ARHGAP17: variants seen among roughly 807,000 people sequenced by gnomAD.
ARHGAP17 encodes the protein rho GTPase-activating protein 17.
A neutral mutation model predicts 99.5 loss-of-function variants in ARHGAP17; 57 were observed. The ratio of observed to expected loss-of-function variants is 0.57; its 90% confidence interval spans 0.46 to 0.71. ARHGAP17 has a LOEUF of 0.71. ARHGAP17 is among the 30% of genes least tolerant of loss of function. The pLI is 0.00. For synonymous variants in ARHGAP17, 417 were observed against 429.6 expected, an observed-to-expected ratio of 0.97 and a Z score of 0.36; for missense variants, 1,000 against 1,122.4, an observed-to-expected ratio of 0.89 and a Z score of 1.56.
Position 24,935,596 on chromosome 16 carries a change from G to C in ARHGAP17, c.1768C>G (p.Pro590Ala), listed in dbSNP as rs767431778. Residue 590 changes from proline to alanine, a missense_variant, in exon 18 of 20, where the codon CCA becomes GCA. Transcript: ENST00000289968. ...KDPVSAAVPA[P>A]GRNNSQIASG... ...GCTATCTGACTGTTGTTTCTCCCTG[G>C]TGCTGGCACAGCTGCAGATACAGGG... 1 of 1,614,124 alleles carries C rather than the reference G, an allele frequency of 6.2e-7. No individual in the cohort carries two copies. The highest frequency in any genetic ancestry group is 2.2e-5 in the East Asian group (1 of 44,882).
chr16:24,952,431 ATAT>A (rs1233146059), intron 11 of ARHGAP17, 61 bp from the exon 12 acceptor site: 3 of 1,364,702 alleles, frequency 2.2e-6, no homozygotes, highest in Non-Finnish European at 3.1e-6. Flanking sequence ...ATCTTGGGAC[ATAT>A]TATTTTGCAA....
chr16:24,939,461 G>A lies in ARHGAP17; in HGVS notation c.1627C>T (p.Pro543Ser). The change falls in exon 17 of 20, where the codon CCT (proline) becomes TCT (serine). Residue 543 changes from proline to serine, a missense_variant. By Grantham distance (74) the Pro-to-Ser change is moderately conservative (BLOSUM62 -1). This residue lies in a region of ARHGAP17 where 528 missense variants were observed against 511.4 expected (regional missense o/e 1.03). Coordinates refer to ENST00000289968, the MANE Select transcript of ARHGAP17 (RefSeq NM_001006634.3). ...CTTTCAGCCCTAGAGCTCTGGGGAG[G>A]GGGCTCTGGGCCAGCGGGCACCACG... The part of the protein sequence containing the change: ...STVVPAGPEP[P>S]PQSSRAESSS... The A allele has an allele frequency of 2.5e-6, 4 of 1,611,502 alleles. No homozygotes were observed. The highest frequency in any genetic ancestry group is 1.1e-5 in the South Asian group (1 of 90,346).
chr16:24,920,004 A>C lies in ARHGAP17; in HGVS notation c.*126T>G. 7.1e-7 allele frequency: 1 copy of C among 1,403,448 alleles called. No homozygotes were observed. The highest frequency in any genetic ancestry group is 9.7e-7 in the Non-Finnish European group (1 of 1,028,756). 86.9% of individuals were successfully genotyped at this position (1,403,448 alleles called of 1,614,324 possible). ...GGCCGTGCAGAAGGCCAGGTCCCGC[A>C]CAGTGAGGCCCTCCTTTGTCCTCCA... On this transcript the variant is annotated 3_prime_UTR_variant, in exon 20 of 20. Transcript: ENST00000289968.
At chr16:24,980,377 C>T (rs1050378204) in intron 1 of ARHGAP17, among the ~76,000 whole-genome samples, 6 of 152,208 alleles carry the variant, frequency 3.9e-5, no homozygotes, top group Admixed American at 1.3e-4. Context: ...GGGTGGCTCA[C>T]TCACCAGTTT....
At chr16:24,942,908 C>T (rs2051357603) in intron 15 of ARHGAP17, among the ~76,000 whole-genome samples, 1 of 152,200 alleles carries the variant, frequency 6.6e-6, no homozygotes, top group Non-Finnish European at 1.5e-5. Context: ...CTAGCATTCG[C>T]TCATCCATCC....
At chr16:24,939,705 T>C in intron 16 of ARHGAP17, 108 bp from the exon 17 acceptor site, 1 of 1,187,284 alleles carries the variant, frequency 8.4e-7, no homozygotes, top group Non-Finnish European at 1.2e-6. Flanking sequence ...CCACCCAAGC[T>C]GCCCGGCATG....
At chr16:24,933,559 C>G (rs1474062375) in intron 18 of ARHGAP17, among the ~76,000 whole-genome samples, 1 of 151,976 alleles carries the variant, frequency 6.6e-6, no homozygotes, top group Non-Finnish European at 1.5e-5. Flanking sequence ...AACTTTCAAC[C>G]CTGGAACTCA....
chr16:24,923,400 T>G (rs989324387), intron 19 of ARHGAP17, among the ~76,000 whole-genome samples: 2 of 152,178 alleles, frequency 1.3e-5, no homozygotes, highest in African/African-American at 2.4e-5. Flanking sequence ...GTATATTAAC[T>G]GCACTCCAAG....
intron 1 of ARHGAP17, among the ~76,000 whole-genome samples, chr16:24,997,124 T>C (rs1367567860): frequency 6.6e-6 from 1 of 152,176 alleles, no homozygotes; most frequent in Non-Finnish European, 1.5e-5. Context: ...TCTCTGTCAT[T>C]AGCACTTGGA....
intron 7 of ARHGAP17, among the ~76,000 whole-genome samples, 154 bp downstream of exon 7, chr16:24,964,041 AAT>A (rs1352270216): frequency 2.0e-5 from 3 of 152,224 alleles, no homozygotes; most frequent in Non-Finnish European, 2.9e-5. Context: ...ATCATAAAAT[AAT>A]ATAGTCTTAG....
intron 1 of ARHGAP17, among the ~76,000 whole-genome samples, chr16:25,010,323 C>T (rs1401080731): frequency 2.0e-5 from 3 of 152,152 alleles, no homozygotes; most frequent in Admixed American, 6.6e-5. Context: ...ATCCTCCTAC[C>T]TCGGGCTCTC....
Position 24,942,042 on chromosome 16 carries a change from T to G in ARHGAP17, c.1435A>C (p.Arg479=), listed in dbSNP as rs976292343. Residue 479 remains arginine (R), a synonymous_variant, in exon 16 of 20, where the codon AGG becomes CGG. Transcript: ENST00000289968. ...ACCGCCATGCTAGCAGGCCGCTTCC[T>G]CTCCAGGGTCCCCGAGTCAGAGTCG... ...GNDSDSGTLE[R]KRPASMAVME... 2 of 1,613,964 alleles carry G rather than the reference T, an allele frequency of 1.2e-6. No individual in the cohort carries two copies. Among genetic ancestry groups the G allele is most frequent in the Non-Finnish European group, 1.7e-6 (2 of 1,179,986 alleles).
intron 9 of ARHGAP17, among the ~76,000 whole-genome samples, chr16:24,958,368 T>C (rs2051875381): frequency 6.6e-6 from 1 of 152,234 alleles, no homozygotes; most frequent in Non-Finnish European, 1.5e-5. Context: ...TTTTGTCCTA[T>C]GCGGGGCCCA....
At chr16:24,941,415 T>C (rs984092677) in intron 16 of ARHGAP17, among the ~76,000 whole-genome samples, 3 of 152,152 alleles carry the variant, frequency 2.0e-5, no homozygotes, top group Non-Finnish European at 2.9e-5. Flanking sequence ...GAATTGCCCA[T>C]AGAAAAGAGT....
intron 9 of ARHGAP17, 168 bp from the exon 10 acceptor site, chr16:24,954,898 G>T: frequency 1.0e-6 from 1 of 956,792 alleles, no homozygotes; most frequent in Non-Finnish European, 1.5e-6. Context: ...TACTGGAGCA[G>T]CAAACTATGG....
chr16:24,920,683 C>T (rs1367985152), intron 19 of ARHGAP17: 1 of 160,464 alleles, frequency 6.2e-6, no homozygotes, highest in Non-Finnish European at 1.4e-5. Flanking sequence ...AGGACCTCAC[C>T]CTCAGCACCA....
At chr16:24,925,513 GACTCTGAGTCA>G (rs1477881160) in intron 19 of ARHGAP17, among the ~76,000 whole-genome samples, 6 of 152,208 alleles carry the variant, frequency 3.9e-5, no homozygotes, top group Non-Finnish European at 1.5e-5. Flanking sequence ...GGCTATTAGA[GACTCTGAGTCA>G]ACTATTCAGG....
rs776631518 is a variant in ARHGAP17, at chr16:24,930,934, G to A, written c.2365C>T (p.Pro789Ser). 7.4e-6 allele frequency: 12 copies of A among 1,613,900 alleles called. No individual in the cohort carries two copies. The change falls in exon 19 of 20, where the codon CCA (proline) becomes TCA (serine). Residue 789 changes from proline to serine, a missense_variant. Physicochemically the swap from Pro to Ser is moderately conservative, Grantham distance 74 (BLOSUM62 -1). Transcript: ENST00000289968. The part of the protein sequence containing the change: ...LAGGNPETAQ[P>S]HAGTLPRPRP... Reference sequence around the variant, plus strand: ...GGTCTCGGTAAGGTTCCAGCATGTGGCTGTGCAGTTTCAGGGTTACCCCCT... The same window carrying A: ...GGTCTCGGTAAGGTTCCAGCATGTGACTGTGCAGTTTCAGGGTTACCCCCT...
chr16:24,975,067 G>A (rs2141342346), intron 3 of ARHGAP17, among the ~76,000 whole-genome samples: 1 of 152,252 alleles, frequency 6.6e-6, no homozygotes, highest in East Asian at 1.9e-4. Flanking sequence ...GTCGAAGGAT[G>A]GCTTGAGCCC....
Sources: gnomAD v4.1 joint callset for allele counts (sites outside exome capture counted in the v4.1 genomes callset) on GRCh38, gnomAD v4.1.1 for gene constraint, gnomAD v4.1.1 regional missense constraint, MANE v1.5 for transcripts, NCBI Gene and HGNC (gene_info 2026-07-23, HGNC 2026-07-21) for gene names.